MAGI2: variants seen among roughly 807,000 people sequenced by gnomAD.
MAGI2 encodes membrane associated guanylate kinase, WW and PDZ domain containing 2, also known as membrane-associated guanylate kinase, WW and PDZ domain-containing protein 2.
MAGI2 carries 35 observed loss-of-function variants against 133.3 expected under a neutral mutation model. That is an observed-to-expected ratio of 0.26 (90% confidence interval 0.20 to 0.35). The LOEUF is 0.35. Ranked by LOEUF, MAGI2 falls within the 10% of genes least tolerant of loss-of-function variation. MAGI2 has a pLI of 1.00. For missense variants in MAGI2, 1,636 were observed against 1,863.4 expected (o/e 0.88, Z 2.25); for synonymous variants, 729 against 710.6 (o/e 1.03, Z -0.41).
At chr7:79,398,886 C>G (rs1166740474) in intron 1 of MAGI2, among the ~76,000 whole-genome samples, 1 of 151,992 alleles carries the variant, frequency 6.6e-6, no homozygotes, top group Non-Finnish European at 1.5e-5. Context: ...AGATAAAACA[C>G]TTTATGAATA....
At chr7:78,557,973 CTCTT>C (rs1161202902) in intron 3 of MAGI2, among the ~76,000 whole-genome samples, 2 of 64,680 alleles carry the variant, frequency 3.1e-5, no homozygotes, top group Non-Finnish European at 6.7e-5. Flanking sequence ...TTTATTGGAA[CTCTT>C]TTTTTTTTTT....
intron 2 of MAGI2, among the ~76,000 whole-genome samples, chr7:78,788,219 A>G (rs940251494): frequency 6.6e-6 from 1 of 152,232 alleles, no homozygotes; most frequent in African/African-American, 2.4e-5. Context: ...GTGGCAAAAT[A>G]GTAATAAAAA....
intron 2 of MAGI2, among the ~76,000 whole-genome samples, chr7:78,783,681 T>TC: frequency 6.6e-6 from 1 of 152,312 alleles, no homozygotes; most frequent in South Asian, 2.1e-4. Context: ...AATTTCTGGC[T>TC]CTCAGGTTGA....
chr7:78,489,099 G>C (rs1375004867), intron 6 of MAGI2, among the ~76,000 whole-genome samples: 2 of 151,924 alleles, frequency 1.3e-5, no homozygotes, highest in African/African-American at 2.4e-5. Flanking sequence ...AAAAAATTAA[G>C]AGTATCATCA....
chr7:78,073,100 T>G, intron 21 of MAGI2: 1 of 396,370 alleles, frequency 2.5e-6, no homozygotes, highest in Admixed American at 4.4e-5. Flanking sequence ...GACTTTTAAC[T>G]AAACAACTGT....
At chr7:78,068,089 G>T (rs773305170) in intron 21 of MAGI2, among the ~76,000 whole-genome samples, 38 of 152,320 alleles carry the variant, frequency 2.5e-4, no homozygotes, top group Middle Eastern at 6.8e-3. Flanking sequence ...TTGTGGAAGA[G>T]AATTTTTCCA....
chr7:79,096,475 T>C (rs1817530373), intron 1 of MAGI2, among the ~76,000 whole-genome samples: 1 of 152,196 alleles, frequency 6.6e-6, no homozygotes. Context: ...CATGGCCTAA[T>C]CCTGCCTACA....
intron 1 of MAGI2, among the ~76,000 whole-genome samples, chr7:79,169,876 T>A (rs189672951): frequency 6.6e-6 from 1 of 152,000 alleles, no homozygotes; most frequent in African/African-American, 2.4e-5. Flanking sequence ...TTTGTCTTTT[T>A]AACTTTTAAA....
At chr7:79,117,560 A>G (rs76399380) in intron 1 of MAGI2, among the ~76,000 whole-genome samples, 2 of 152,296 alleles carry the variant, frequency 1.3e-5, no homozygotes, top group East Asian at 3.9e-4. Context: ...TCTGGAAACT[A>G]TATTTTTAGA....
chr7:79,380,712 T>C (rs1001203254), intron 1 of MAGI2, among the ~76,000 whole-genome samples: 1 of 151,718 alleles, frequency 6.6e-6, no homozygotes. Context: ...TTGTCTTATT[T>C]GTCACTAAAT....
chr7:78,201,162 A>G lies in MAGI2; in HGVS notation c.2079T>C (p.Pro693=), dbSNP rs747782222. The change falls in exon 11 of 22, where the codon CCT becomes CCC. Residue 693 remains proline, a splice_region_variant and synonymous_variant. Coordinates refer to ENST00000354212, the MANE Select transcript of MAGI2 (RefSeq NM_012301.4). ...GFFSPWKTPK[P]IMDRWENQGS... ...AAGAAGCATAATAATTCCAACTTAC[A>G]GGCTTTGGAGTTTTCCATGGAGAAA... is the stretch of plus-strand genomic sequence containing the variant. 1.3e-6 allele frequency: 2 copies of G among 1,483,118 alleles called. No homozygotes were observed. Among genetic ancestry groups the G allele is most frequent in the Non-Finnish European group, 1.8e-6 (2 of 1,113,430 alleles). 91.9% of individuals were successfully genotyped at this position (1,483,118 alleles called of 1,614,324 possible). A position where few individuals can be genotyped will look rare whatever the true frequency, so the allele number is the denominator to read the frequency against.
Position 78,847,132 on chromosome 7 carries a change from C to T in MAGI2, c.418+159958G>A, listed in dbSNP as rs114109286. 7.3e-3 allele frequency among the ~76,000 whole-genome samples: 1,113 copies of T among 151,942 alleles called. 12 individuals are homozygous for T. Among genetic ancestry groups the T allele is most frequent in the African/African-American group, 0.026 (1,062 of 41,482 alleles). ...TGGTAACTCTCCTTATAATTATCTGCGTTGAAAAGAAGAATCAAATAATAA... is the reference window on the plus strand; with the variant it reads ...TGGTAACTCTCCTTATAATTATCTGTGTTGAAAAGAAGAATCAAATAATAA... On this transcript the variant is annotated intron_variant, in intron 2 of 21. Transcript: ENST00000354212.
At chr7:79,179,701 C>T (rs975239214) in intron 1 of MAGI2, among the ~76,000 whole-genome samples, 5 of 151,900 alleles carry the variant, frequency 3.3e-5, no homozygotes, top group Admixed American at 1.3e-4. Context: ...ATAAACAGTG[C>T]TATAATAACT....
At chr7:78,494,497 C>T (rs1793911139) in intron 5 of MAGI2, among the ~76,000 whole-genome samples, 1 of 152,148 alleles carries the variant, frequency 6.6e-6, no homozygotes, top group Non-Finnish European at 1.5e-5. Context: ...TTCATTCACT[C>T]TAGTGTTTGC....
intron 1 of MAGI2, among the ~76,000 whole-genome samples, chr7:79,111,546 G>T (rs1447788101): frequency 2.0e-5 from 3 of 152,120 alleles, no homozygotes; most frequent in African/African-American, 7.2e-5. Context: ...ACATCAGGTA[G>T]GTATGTTATT....
chr7:79,356,839 T>C (rs1468333466), intron 1 of MAGI2, among the ~76,000 whole-genome samples: 7 of 152,192 alleles, frequency 4.6e-5, no homozygotes, highest in Admixed American at 4.6e-4. Flanking sequence ...CATCGGGTCT[T>C]ACTCTATTAA....
chr7:79,221,135 AAG>A (rs1481814935), intron 1 of MAGI2, among the ~76,000 whole-genome samples: 6 of 152,152 alleles, frequency 3.9e-5, no homozygotes, highest in Middle Eastern at 6.8e-3. Context: ...TAAAAATATG[AAG>A]AGACACAAAA....
intron 7 of MAGI2, among the ~76,000 whole-genome samples, chr7:78,355,753 T>C (rs1444888158): frequency 1.3e-5 from 2 of 152,252 alleles, no homozygotes; most frequent in Non-Finnish European, 2.9e-5. Flanking sequence ...CAGGTGATTC[T>C]CAATTTCTTT....
rs397940838 is a variant in MAGI2 at position 79,061,296 on chromosome 7, GA to G, written c.302-54091del. ...TTGAAGGTTGCTTAAAGGACTGTTAGAAAAAAAAAAAGCCTTTTTTTTTCTC... is the reference window on the plus strand; with the variant it reads ...TTGAAGGTTGCTTAAAGGACTGTTAGAAAAAAAAAAGCCTTTTTTTTTCTC... On this transcript the variant is annotated intron_variant, in intron 1 of 21. Transcript: ENST00000354212. Among the ~76,000 whole-genome samples the G allele has an allele frequency of 4.2e-3, 596 of 141,286 alleles. 3 individuals are homozygous for G. The highest frequency in any genetic ancestry group is 0.013 in the African/African-American group (509 of 39,118). The allele number at this position is 141,286 out of a possible 152,430, so 92.7% of individuals were successfully genotyped here.
Sources: allele counts gnomAD v4.1 joint callset (sites outside exome capture counted in the v4.1 genomes callset), GRCh38; gene constraint gnomAD v4.1.1; transcripts MANE v1.5; gene names NCBI Gene and HGNC (gene_info 2026-07-23, HGNC 2026-07-21).